BACH2: variants seen among roughly 807,000 people sequenced by gnomAD.
BACH2 encodes transcription regulator protein BACH2.
BACH2 carries 5 observed loss-of-function variants against 61.8 expected under a neutral mutation model. The ratio of observed to expected loss-of-function variants is 0.08; its 90% CI spans 0.04 to 0.17. The LOEUF is 0.17. Ranked by LOEUF, BACH2 falls within the 10% of genes least tolerant of loss-of-function variation. The probability of loss-of-function intolerance (pLI) is 1.00; values close to 1 mark genes in which losing one functional copy is unlikely to be tolerated. For synonymous variants in BACH2, 446 were observed against 440.1 expected (o/e 1.01, Z -0.17); for missense variants, 824 against 1,091.1 (o/e 0.76, Z 3.45).
intron 3 of BACH2, among the ~76,000 whole-genome samples, chr6:90,219,927 C>A (rs1268999085): frequency 6.6e-6 from 1 of 152,014 alleles, no homozygotes; most frequent in South Asian, 2.1e-4. Context: ...CTTTTTTCTG[C>A]ACTAAGGGTT....
chr6:89,963,785 T>C (rs1174479881), intron 6 of BACH2, among the ~76,000 whole-genome samples: 2 of 152,214 alleles, frequency 1.3e-5, no homozygotes, highest in Non-Finnish European at 2.9e-5. Flanking sequence ...TTATTCACAA[T>C]AGCCAAGAAG....
chr6:89,968,059 T>C (rs1775142180), intron 6 of BACH2, among the ~76,000 whole-genome samples: 1 of 152,242 alleles, frequency 6.6e-6, no homozygotes, highest in Admixed American at 6.5e-5. Context: ...CTTACTAGCA[T>C]TTGCCCAAGC....
At chr6:90,054,966 C>G (rs997679178) in intron 5 of BACH2, among the ~76,000 whole-genome samples, 1 of 152,150 alleles carries the variant, frequency 6.6e-6, no homozygotes, top group African/African-American at 2.4e-5. Flanking sequence ...ACCAAAAACC[C>G]ATCTGTAAGT....
At chr6:89,953,972 A>T (rs1475862076) in intron 6 of BACH2, among the ~76,000 whole-genome samples, 1 of 152,240 alleles carries the variant, frequency 6.6e-6, no homozygotes, top group Non-Finnish European at 1.5e-5. Context: ...TACTGACAAT[A>T]CATCTGTTTT....
chr6:90,090,778 C>G (rs1283206309), intron 4 of BACH2, among the ~76,000 whole-genome samples: 1 of 152,144 alleles, frequency 6.6e-6, no homozygotes, highest in Non-Finnish European at 1.5e-5. Flanking sequence ...AGAAAAACCA[C>G]TGATTATTTG....
chr6:90,205,991 C>T (rs957321476), intron 4 of BACH2, among the ~76,000 whole-genome samples: 4 of 152,164 alleles, frequency 2.6e-5, no homozygotes, highest in Non-Finnish European at 5.9e-5. Flanking sequence ...GGAAAAGATG[C>T]ACCTTACACT....
At position 90,112,465 on chromosome 6, in the gene BACH2, A is replaced by C. The variant is rs556824880; in HGVS notation, c.-161-23356T>G. ...GCCTATATTCAACATTCTTACAGAA[A>C]AAAGTCTTCAACCAAGAATTTCATA... On this transcript the variant is annotated intron_variant, in intron 4 of 8. Transcript: ENST00000257749. 2.1e-4 allele frequency among the ~76,000 whole-genome samples: 32 copies of C among 152,340 alleles called. No individual in the cohort carries two copies. The South Asian group carries it at 6.6e-3, about 32-fold the overall frequency.
chr6:89,934,529 C>A (rs564525052), intron 8 of BACH2, among the ~76,000 whole-genome samples: 7 of 152,086 alleles, frequency 4.6e-5, no homozygotes, highest in African/African-American at 1.7e-4. Context: ...TGTGTTGGTG[C>A]GTGCTTATAA....
intron 3 of BACH2, among the ~76,000 whole-genome samples, chr6:90,241,134 CAAA>C (rs1180464043): frequency 1.8e-4 from 10 of 56,294 alleles, no homozygotes; most frequent in Admixed American, 2.0e-4. Context: ...GACTCCAACT[CAAA>C]AAAAAAAAAA....
intron 5 of BACH2, among the ~76,000 whole-genome samples, chr6:90,033,096 C>G (rs1397949515): frequency 7.5e-6 from 1 of 133,988 alleles, no homozygotes; most frequent in South Asian, 2.7e-4. Flanking sequence ...TCTCAGCAAA[C>G]TATCGCAAGG....
chr6:89,983,137 C>T (rs1196889648), intron 6 of BACH2, among the ~76,000 whole-genome samples: 1 of 152,172 alleles, frequency 6.6e-6, no homozygotes, highest in Non-Finnish European at 1.5e-5. Flanking sequence ...TAGGAAATCC[C>T]CATCCTCTGC....
At chr6:90,143,544 C>T (rs1468525611) in intron 4 of BACH2, among the ~76,000 whole-genome samples, 1 of 152,172 alleles carries the variant, frequency 6.6e-6, no homozygotes, top group Non-Finnish European at 1.5e-5. Context: ...ACCTTTCATA[C>T]TCTGACCCCA....
At chr6:90,058,873 A>T (rs1270025381) in intron 5 of BACH2, among the ~76,000 whole-genome samples, 1 of 152,240 alleles carries the variant, frequency 6.6e-6, no homozygotes, top group Non-Finnish European at 1.5e-5. Context: ...AGAAATGGGG[A>T]AAGGATTCCC....
intron 5 of BACH2, among the ~76,000 whole-genome samples, chr6:90,021,750 C>T (rs1360751863): frequency 2.0e-5 from 3 of 152,188 alleles, no homozygotes; most frequent in African/African-American, 4.8e-5. Context: ...ACTAAAACTT[C>T]TTACTTTAAG....
intron 6 of BACH2, among the ~76,000 whole-genome samples, chr6:89,989,121 G>A (rs1275088163): frequency 6.6e-6 from 1 of 152,176 alleles, no homozygotes; most frequent in Non-Finnish European, 1.5e-5. Context: ...TCTCCAAGAT[G>A]GAGCAAGAAA....
chr6:89,983,767 C>G (rs958125873), intron 6 of BACH2, among the ~76,000 whole-genome samples: 4 of 152,204 alleles, frequency 2.6e-5, no homozygotes, highest in Non-Finnish European at 4.4e-5. Flanking sequence ...TCCATCATCA[C>G]AGAAAAGGCT....
At chr6:90,287,988 G>A (rs964299441) in intron 1 of BACH2, among the ~76,000 whole-genome samples, 5 of 152,150 alleles carry the variant, frequency 3.3e-5, no homozygotes, top group African/African-American at 1.2e-4. Flanking sequence ...GGAGGATGGG[G>A]GAACTGGCTG....
At chr6:90,115,093 T>C (rs984349587) in intron 4 of BACH2, among the ~76,000 whole-genome samples, 4 of 152,204 alleles carry the variant, frequency 2.6e-5, no homozygotes, top group African/African-American at 9.6e-5. Context: ...ATGGCTATAC[T>C]GCCCGAAGCA....
intron 1 of BACH2, among the ~76,000 whole-genome samples, chr6:90,296,244 C>A (rs945703640): frequency 6.6e-6 from 1 of 152,086 alleles, no homozygotes; most frequent in Non-Finnish European, 1.5e-5. Flanking sequence ...GGAGGGAGAG[C>A]ACACATTCGG....
Sources: gnomAD v4.1 joint callset for allele counts (sites outside exome capture counted in the v4.1 genomes callset) on GRCh38, gnomAD v4.1.1 for gene constraint, MANE v1.5 for transcripts, NCBI Gene and HGNC (gene_info 2026-07-23, HGNC 2026-07-21) for gene names.